PDXDC1: variants seen among roughly 807,000 people sequenced by gnomAD.
PDXDC1 encodes pyridoxal dependent decarboxylase domain containing 1.
A neutral mutation model predicts 100.1 loss-of-function variants in PDXDC1; 42 were observed. The observed-to-expected ratio is 0.42, with a 90% confidence interval of 0.33 to 0.54. The LOEUF (loss-of-function observed/expected upper bound fraction) is 0.54. PDXDC1 is among the 20% of genes least tolerant of loss of function. The pLI, the probability that PDXDC1 is intolerant of heterozygous loss-of-function variation, is 0.10. For missense variants in PDXDC1, 636 were observed against 979.2 expected (o/e 0.65, Z 4.68); for synonymous variants, 260 against 371.7 (o/e 0.70, Z 3.46).
At chr16:15,073,056 T>C in intron 16 of PDXDC1, 1 of 1,611,988 alleles carries the variant, frequency 6.2e-7, no homozygotes, top group Non-Finnish European at 8.5e-7. Flanking sequence ...ATATAGATCC[T>C]TTGTTTTGCC....
intron 16 of PDXDC1, chr16:15,137,346 A>G: frequency 6.7e-7 from 1 of 1,499,822 alleles, no homozygotes; most frequent in Non-Finnish European, 9.0e-7. Flanking sequence ...AGGCAGGCGA[A>G]GGAGGCACTA....
chr16:15,111,049 A>T (rs572959463), intron 16 of PDXDC1, among the ~76,000 whole-genome samples: 2 of 149,264 alleles, frequency 1.3e-5, no homozygotes, highest in Non-Finnish European at 3.0e-5. Context: ...AACCGTTTGA[A>T]GCTGGGAGGC....
chr16:15,119,402 A>AC (rs2047357255), intron 16 of PDXDC1, among the ~76,000 whole-genome samples: 1 of 149,064 alleles, frequency 6.7e-6, no homozygotes, highest in African/African-American at 2.4e-5. Context: ...GATCTAAAAA[A>AC]AAAAAATTTT....
intron 16 of PDXDC1, among the ~76,000 whole-genome samples, chr16:15,131,978 A>G (rs2048089738): frequency 2.7e-4 from 1 of 3,662 alleles, no homozygotes; most frequent in African/African-American, 8.5e-4. Flanking sequence ...AAAGGGGAGA[A>G]GAGGAGGAGC....
Position 15,035,491 on chromosome 16 carries a change from A to G in PDXDC1, c.2045A>G (p.Gln682Arg), listed in dbSNP as rs1295903491. Residue 682 changes from glutamine (Q) to arginine (R), a missense_variant, in exon 22 of 23, where the codon CAA becomes CGA. Physicochemically the swap from Gln to Arg is conservative, Grantham distance 43. This residue lies in a region of PDXDC1 where 452 missense variants were observed against 402.9 expected (regional missense o/e 1.12). Transcript: ENST00000396410. The stretch of plus-strand genomic sequence containing the variant: ...GAACCCATATATGTCTACAAAGCAC[A>G]AGGTGCAGGAGTCACGCTGCCTCCA... ...STEPIYVYKA[Q>R]GAGVTLPPTP... 10 of 1,611,848 alleles carry G rather than the reference A, an allele frequency of 6.2e-6. No individual in the cohort carries two copies. The highest frequency in any genetic ancestry group is 4.0e-5 in the African/African-American group (3 of 74,834).
downstream of PDXDC1, chr16:15,038,522 G>GAAAA (rs2043651454): frequency 2.0e-6 from 2 of 1,022,078 alleles, no homozygotes; most frequent in Non-Finnish European, 3.0e-6. Context: ...TCTTACAGAT[G>GAAAA]GGGAAACCAG....
At chr16:14,980,923 G>A (rs865922363) in intron 1 of PDXDC1, among the ~76,000 whole-genome samples, 2 of 152,284 alleles carry the variant, frequency 1.3e-5, no homozygotes, top group African/African-American at 2.4e-5. Context: ...TTTATTAATC[G>A]AAGGTGAGCT....
At chr16:15,104,907 T>C in intron 16 of PDXDC1, 2 of 1,534,646 alleles carry the variant, frequency 1.3e-6, no homozygotes, top group Non-Finnish European at 1.7e-6. Flanking sequence ...ATCAGTGTCA[T>C]ATCACCCTTC....
downstream of PDXDC1, among the ~76,000 whole-genome samples, chr16:15,143,176 G>A (rs903398229): frequency 5.9e-5 from 9 of 152,164 alleles, no homozygotes; most frequent in African/African-American, 1.2e-4. Flanking sequence ...GAGGAGTTAG[G>A]ACCATCCTAG....
At chr16:15,072,058 C>CA (rs1423848968) in intron 16 of PDXDC1, among the ~76,000 whole-genome samples, 1 of 152,066 alleles carries the variant, frequency 6.6e-6, no homozygotes, top group Admixed American at 6.5e-5. Flanking sequence ...TGGAAAAAAA[C>CA]AGACACAGCT....
the PDXDC1 span, among the ~76,000 whole-genome samples, chr16:15,148,691 C>A: frequency 6.6e-6 from 1 of 151,696 alleles, no homozygotes; most frequent in Admixed American, 6.6e-5. Context: ...CATGTTTAAA[C>A]GGGGTCCCTG....
At chr16:14,998,783 A>G (rs1420355400) in intron 3 of PDXDC1, among the ~76,000 whole-genome samples, 2 of 152,270 alleles carry the variant, frequency 1.3e-5, no homozygotes, top group Non-Finnish European at 2.9e-5. Context: ...GTGTCTTATC[A>G]TCATTGATTT....
chr16:15,131,230 G>A (rs771594592), intron 16 of PDXDC1: 36 of 1,591,090 alleles, frequency 2.3e-5, no homozygotes, highest in Admixed American at 5.0e-5. Flanking sequence ...AGCCCAGTCC[G>A]AGTTGTTGGG....
chr16:15,127,074 C>A, intron 16 of PDXDC1: 2 of 353,828 alleles, frequency 5.7e-6, no homozygotes, highest in South Asian at 2.2e-5. Flanking sequence ...AGGCGTGAGC[C>A]ACCACACCCG....
At chr16:15,085,171 A>T (rs1474949452) in intron 16 of PDXDC1, among the ~76,000 whole-genome samples, 1 of 152,260 alleles carries the variant, frequency 6.6e-6, no homozygotes, top group East Asian at 1.9e-4. Flanking sequence ...TTTCTCCACC[A>T]GCATCAACGA....
rs528628621 is a variant in PDXDC1, at chr16:15,021,688, C to T, written c.1090-1016C>T. The stretch of plus-strand genomic sequence containing the variant: ...GATTTGAATGCTGTCCTGCTGCTGA[C>T]TCACAGGCTAATAAATGCATGTGTT... On this transcript the variant is annotated intron_variant, in intron 12 of 22. Coordinates refer to ENST00000396410, the MANE Select transcript of PDXDC1 (RefSeq NM_015027.4). 3.3e-3 allele frequency among the ~76,000 whole-genome samples: 497 copies of T among 152,218 alleles called. No homozygotes were observed. In the Middle Eastern group the frequency reaches 0.038, roughly 12 times the overall value.
intron 16 of PDXDC1, among the ~76,000 whole-genome samples, chr16:15,047,011 A>C (rs1024182612): frequency 1.2e-4 from 18 of 152,074 alleles, no homozygotes; most frequent in African/African-American, 4.3e-4. Flanking sequence ...TCGGCTTCGG[A>C]ATACAAACAC....
At chr16:15,084,132 A>G (rs2045818490) in intron 16 of PDXDC1, among the ~76,000 whole-genome samples, 1 of 152,256 alleles carries the variant, frequency 6.6e-6, no homozygotes, top group South Asian at 2.1e-4. Flanking sequence ...TCTCCCACAG[A>G]AACATAACAG....
chr16:15,101,704 C>T (rs1176320934), intron 16 of PDXDC1, among the ~76,000 whole-genome samples: 4 of 148,738 alleles, frequency 2.7e-5, no homozygotes, highest in South Asian at 2.2e-4. Flanking sequence ...CCTGGGGTCT[C>T]GCTTTTGCCC....
Sources: gnomAD v4.1 joint callset for allele counts (sites outside exome capture counted in the v4.1 genomes callset) on GRCh38, gnomAD v4.1.1 for gene constraint, gnomAD v4.1.1 regional missense constraint, MANE v1.5 for transcripts, NCBI Gene and HGNC (gene_info 2026-07-23, HGNC 2026-07-21) for gene names.